Variants in ELOVL6 observed in about 807,000 individuals in gnomAD.
ELOVL6 encodes the protein ELOVL fatty acid elongase 6.
A neutral mutation model predicts 31.7 loss-of-function variants in ELOVL6; 8 were observed. The ratio of observed to expected loss-of-function variants is 0.25; its 90% CI spans 0.15 to 0.45. ELOVL6 has a LOEUF of 0.45. ELOVL6 is among the 20% of genes least tolerant of loss of function. The pLI is 1.00. For missense variants in ELOVL6, 126 were observed against 326.4 expected, an observed-to-expected ratio of 0.39 and a Z score of 4.73; for synonymous variants, 101 against 117.7, an observed-to-expected ratio of 0.86 and a Z score of 0.92.
intron 1 of ELOVL6, among the ~76,000 whole-genome samples, chr4:110,189,948 C>CA (rs199909587): frequency 0.06 from 8,876 of 146,974 alleles, 352 homozygotes; most frequent in Middle Eastern, 0.14. Context: ...GCCTGGGCGA[C>CA]AGAGCCAGAC....
chr4:110,165,869 C>A (rs546887908), intron 1 of ELOVL6, among the ~76,000 whole-genome samples: 13 of 152,290 alleles, frequency 8.5e-5, no homozygotes, highest in African/African-American at 3.1e-4. Flanking sequence ...ATCCTATATC[C>A]TCTGCCAGAA....
At chr4:110,175,143 G>A (rs1419723167) in intron 1 of ELOVL6, among the ~76,000 whole-genome samples, 1 of 152,108 alleles carries the variant, frequency 6.6e-6, no homozygotes, top group East Asian at 1.9e-4. Flanking sequence ...CAATACTTTG[G>A]GAGGCTGAGG....
chr4:110,077,853 C>T (rs181759717), intron 2 of ELOVL6, among the ~76,000 whole-genome samples: 141 of 152,038 alleles, frequency 9.3e-4, no homozygotes, highest in Non-Finnish European at 1.5e-3. Context: ...AAAAATTAGA[C>T]GAAAGGCTAA....
At chr4:110,065,582 C>A (rs941499442) in intron 2 of ELOVL6, among the ~76,000 whole-genome samples, 2 of 152,156 alleles carry the variant, frequency 1.3e-5, no homozygotes, top group African/African-American at 4.8e-5. Context: ...CATAATTGTG[C>A]CACTGCACTC....
chr4:110,185,699 G>A (rs1402801398), intron 1 of ELOVL6, among the ~76,000 whole-genome samples: 1 of 152,184 alleles, frequency 6.6e-6, no homozygotes, highest in African/African-American at 2.4e-5. Flanking sequence ...GTCAGCTAGA[G>A]TCACAATTAG....
At chr4:110,083,344 C>G (rs1755940476) in intron 2 of ELOVL6, among the ~76,000 whole-genome samples, 1 of 151,678 alleles carries the variant, frequency 6.6e-6, no homozygotes, top group East Asian at 1.9e-4. Flanking sequence ...GATCTGATAA[C>G]TGATCAATGA....
chr4:110,059,533 T>C, intron 3 of ELOVL6, 70 bp downstream of exon 3: 1 of 1,477,154 alleles, frequency 6.8e-7, no homozygotes, highest in Non-Finnish European at 9.1e-7. Flanking sequence ...AATGTTTCTT[T>C]GCTCACTAAA....
At chr4:110,189,840 G>A (rs554327413) in intron 1 of ELOVL6, among the ~76,000 whole-genome samples, 10 of 151,726 alleles carry the variant, frequency 6.6e-5, no homozygotes, top group African/African-American at 1.2e-4. Flanking sequence ...GATTGTGGGC[G>A]CCTGTAGTCC....
At chr4:110,101,813 T>C (rs924224676) in intron 2 of ELOVL6, among the ~76,000 whole-genome samples, 4 of 152,186 alleles carry the variant, frequency 2.6e-5, no homozygotes, top group Non-Finnish European at 5.9e-5. Context: ...TAGCTGGGAC[T>C]ACAGGTGCGT....
At position 110,067,774 on chromosome 4, in the gene ELOVL6, G is replaced by A. The variant is rs569037430; in HGVS notation, c.222-8020C>T. Among the ~76,000 whole-genome samples, 26 of 152,220 alleles carry A rather than the reference G, an allele frequency of 1.7e-4. No individual in the cohort carries two copies. In the East Asian group the frequency reaches 2.7e-3, roughly 16 times the overall value. On this transcript the variant is annotated intron_variant, in intron 2 of 3. Transcript: ENST00000302274. ...GTGTACATTTTTTTAAAGGTTATGC[G>A]TCTATGTGATTATTACCATGTTAGA... is the stretch of plus-strand genomic sequence containing the variant.
intron 2 of ELOVL6, among the ~76,000 whole-genome samples, chr4:110,084,167 A>ATAATGT (rs377707531): frequency 0.13 from 7,334 of 58,024 alleles, 987 homozygotes; most frequent in South Asian, 0.2. Flanking sequence ...CATATATGTG[A>ATAATGT]TATATATGAT....
chr4:110,117,903 A>AAAAAAAAAAAATTATAT, intron 1 of ELOVL6: 1 of 6,506 alleles, frequency 1.5e-4, no homozygotes, highest in African/African-American at 3.3e-4. Context: ...AAAAAAAAAA[A>AAAAAAAAAAAATTATAT]ATATATATAT....
At chr4:110,067,722 G>T (rs776368289) in intron 2 of ELOVL6, among the ~76,000 whole-genome samples, 1 of 152,138 alleles carries the variant, frequency 6.6e-6, no homozygotes, top group Non-Finnish European at 1.5e-5. Flanking sequence ...TAAGGAGCAG[G>T]ACAATATCTA....
chr4:110,174,367 T>C (rs1484818105), intron 1 of ELOVL6, among the ~76,000 whole-genome samples: 4 of 152,162 alleles, frequency 2.6e-5, no homozygotes, highest in African/African-American at 7.2e-5. Context: ...GGTTTCACCA[T>C]GTTGGCCAGG....
intron 2 of ELOVL6, among the ~76,000 whole-genome samples, chr4:110,097,259 C>T (rs551373263): frequency 2.1e-4 from 30 of 142,854 alleles, no homozygotes; most frequent in African/African-American, 7.8e-4. Context: ...GAGCCAAGAT[C>T]GTGCCACTGT....
intron 2 of ELOVL6, among the ~76,000 whole-genome samples, chr4:110,090,023 C>A (rs1756374441): frequency 1.3e-5 from 2 of 152,150 alleles, no homozygotes; most frequent in African/African-American, 4.8e-5. Flanking sequence ...TTAAACCTCT[C>A]TGAGCCTAGG....
intron 2 of ELOVL6, among the ~76,000 whole-genome samples, chr4:110,061,549 CTTTTTTT>C (rs57846282): frequency 1.4e-3 from 104 of 72,384 alleles, no homozygotes; most frequent in East Asian, 3.5e-3. Context: ...CAAATGATGG[CTTTTTTT>C]TTTTTTTTTT....
At chr4:110,128,155 A>G (rs1322396168) in intron 1 of ELOVL6, among the ~76,000 whole-genome samples, 2 of 152,174 alleles carry the variant, frequency 1.3e-5, no homozygotes, top group Non-Finnish European at 2.9e-5. Flanking sequence ...GGACGAGTAT[A>G]AGCCTGGCAA....
intron 1 of ELOVL6, among the ~76,000 whole-genome samples, chr4:110,176,568 T>C (rs1169230409): frequency 6.6e-6 from 1 of 152,206 alleles, no homozygotes; most frequent in Non-Finnish European, 1.5e-5. Flanking sequence ...TCTGAGAGTA[T>C]ACATTTTTGT....
Sources: gnomAD v4.1 joint callset for allele counts (sites outside exome capture counted in the v4.1 genomes callset) on GRCh38, gnomAD v4.1.1 for gene constraint, MANE v1.5 for transcripts, NCBI Gene and HGNC (gene_info 2026-07-23, HGNC 2026-07-21) for gene names.